NSUN7: variants seen among roughly 807,000 people sequenced by gnomAD.
NSUN7 encodes the protein NOP2/Sun RNA methyltransferase family member 7, also known as protein NSUN7.
A neutral mutation model predicts 58.5 loss-of-function variants in NSUN7; 39 were observed. The observed-to-expected ratio is 0.67, with a 90% confidence interval of 0.52 to 0.87. The LOEUF is 0.87. Among genes scored for constraint, NSUN7 ranks in the 40% least tolerant of loss-of-function variants. NSUN7 has a pLI of 0.00. For missense variants in NSUN7, 765 were observed against 844.1 expected, an observed-to-expected ratio of 0.91 and a Z score of 1.16; for synonymous variants, 278 against 303.7, an observed-to-expected ratio of 0.92 and a Z score of 0.88.
chr4:40,793,961 T>G (rs1394963559), intron 8 of NSUN7, among the ~76,000 whole-genome samples: 1 of 152,208 alleles, frequency 6.6e-6, no homozygotes, highest in African/African-American at 2.4e-5. Flanking sequence ...AAGTTAGTAT[T>G]TTAAACCATA....
Position 40,775,785 on chromosome 4 carries a change from A to G in NSUN7, c.826-264A>G, listed in dbSNP as rs562394579. On this transcript the variant is annotated intron_variant, in intron 6 of 11. Transcript: ENST00000381782. The surrounding 1 kb of genome is among the most constrained non-coding windows in gnomAD (Gnocchi z 4.3). ...ATAGGACATCATTAATCTGTTGACC[A>G]TATTTTAGAGATTCTGGCATTGCTT... Among the ~76,000 whole-genome samples, 19 of 152,358 alleles carry G rather than the reference A, an allele frequency of 1.2e-4. No homozygotes were observed. The highest frequency in any genetic ancestry group is 2.2e-4 in the Non-Finnish European group (15 of 68,026).
Position 40,808,324 on chromosome 4 carries a change from A to G in NSUN7, c.1542A>G (p.Thr514=). The change falls in exon 12 of 12, where the codon ACA becomes ACG. Residue 514 remains threonine (T), a synonymous_variant. Coordinates refer to ENST00000381782, the MANE Select transcript of NSUN7 (RefSeq NM_024677.6). ...AATTGCAGCGGGACCCTTCTGAGAC[A>G]GTGTCTGTGAATGATGTTTTGGCCC... is the stretch of plus-strand genomic sequence containing the variant. ...ILTRERDPSE[T]VSVNDVLARA... is the part of the protein sequence containing the mutation. The G allele has an allele frequency of 6.2e-7, 1 of 1,612,702 alleles. No individual in the cohort carries two copies. The highest frequency in any genetic ancestry group is 8.5e-7 in the Non-Finnish European group (1 of 1,179,078).
intron 3 of NSUN7, 97 bp from the exon 4 acceptor site, chr4:40,761,074 C>A: frequency 1.1e-6 from 1 of 947,944 alleles, no homozygotes; most frequent in Non-Finnish European, 1.6e-6. Flanking sequence ...CGTATTCCTG[C>A]TCTGTTATGA....
chr4:40,789,615 T>C (rs2437316), intron 7 of NSUN7, among the ~76,000 whole-genome samples: 123,185 of 151,476 alleles, frequency 0.81, 50,468 homozygotes, highest in African/African-American at 0.88. Flanking sequence ...CAAGATTGAC[T>C]GTGAATGGTT....
chr4:40,807,845 C>T (rs1743875175), intron 11 of NSUN7, among the ~76,000 whole-genome samples: 1 of 151,886 alleles, frequency 6.6e-6, no homozygotes. Flanking sequence ...AGTTCGAGAC[C>T]AGCCTGGCCA....
At chr4:40,787,473 A>AT (rs1228867336) in intron 7 of NSUN7, among the ~76,000 whole-genome samples, 1 of 152,162 alleles carries the variant, frequency 6.6e-6, no homozygotes, top group Non-Finnish European at 1.5e-5. Flanking sequence ...TCCTAGATAC[A>AT]TTTAAAGCAC....
chr4:40,757,200 G>A (rs1435415138), intron 2 of NSUN7, among the ~76,000 whole-genome samples: 1 of 152,202 alleles, frequency 6.6e-6, no homozygotes, highest in Non-Finnish European at 1.5e-5. Context: ...CTGCACTCCA[G>A]CCTGGGCGAC....
chr4:40,765,717 G>A (rs1298930129), intron 4 of NSUN7, among the ~76,000 whole-genome samples: 1 of 152,180 alleles, frequency 6.6e-6, no homozygotes, highest in East Asian at 1.9e-4. Context: ...CCATGAGCAT[G>A]GAATGTTCTT....
At chr4:40,784,431 T>C (rs898124916) in intron 7 of NSUN7, among the ~76,000 whole-genome samples, 3 of 152,070 alleles carry the variant, frequency 2.0e-5, no homozygotes, top group African/African-American at 7.2e-5. Flanking sequence ...AATGGAAGAG[T>C]ATTTGGCCAT....
At chr4:40,770,374 T>A (rs1007303728) in intron 4 of NSUN7, among the ~76,000 whole-genome samples, 2 of 152,200 alleles carry the variant, frequency 1.3e-5, no homozygotes, top group African/African-American at 4.8e-5. Flanking sequence ...CTATATGGTA[T>A]AACCTAGTGC....
intron 9 of NSUN7, among the ~76,000 whole-genome samples, chr4:40,796,872 T>G (rs1743344619): frequency 6.6e-6 from 1 of 152,198 alleles, no homozygotes; most frequent in South Asian, 2.1e-4. Context: ...CCTCCCCCTT[T>G]GTAAAAAATT....
chr4:40,753,352 C>A (rs953664375), intron 2 of NSUN7, among the ~76,000 whole-genome samples: 2 of 151,554 alleles, frequency 1.3e-5, no homozygotes, highest in African/African-American at 4.9e-5. Context: ...TCTAGGCTCA[C>A]TGCAACCTCT....
At chr4:40,772,244 A>G (rs890574784) in intron 4 of NSUN7, among the ~76,000 whole-genome samples, 6 of 152,208 alleles carry the variant, frequency 3.9e-5, no homozygotes, top group Non-Finnish European at 5.9e-5. Context: ...TAATGATTGA[A>G]TAATTCAGTA....
At position 40,761,215 on chromosome 4, in the gene NSUN7, C is replaced by T. The variant is rs1469377923; in HGVS notation, c.402C>T (p.Phe134=). Residue 134 remains phenylalanine (F), a synonymous_variant, in exon 4 of 12, where the codon TTC becomes TTT. Transcript: ENST00000381782. Reference sequence around the variant, plus strand: ...TTATTATTGTGATGCTATATGATTTCCAAGATAGAAAATTTCAAACTCGTG... The same window carrying T: ...TTATTATTGTGATGCTATATGATTTTCAAGATAGAAAATTTCAAACTCGTG... ...SSLIIVMLYD[F]QDRKFQTRVL... 3 of 1,583,028 alleles carry T rather than the reference C, an allele frequency of 1.9e-6. No individual in the cohort carries two copies.
chr4:40,774,550 C>T (rs1161545819), intron 5 of NSUN7, 133 bp downstream of exon 5: 1 of 889,046 alleles, frequency 1.1e-6, no homozygotes, highest in Non-Finnish European at 1.7e-6. Flanking sequence ...AGTTAAGTTC[C>T]AGAGCTTATG....
chr4:40,797,977 A>T (rs182410547), intron 9 of NSUN7, among the ~76,000 whole-genome samples: 17 of 152,180 alleles, frequency 1.1e-4, no homozygotes, highest in Admixed American at 1.0e-3. Context: ...TTTACCTTAG[A>T]ATGCTTTTCT....
chr4:40,774,784 A>G lies in NSUN7; in HGVS notation c.659A>G (p.Asn220Ser). The change falls in exon 6 of 12, where the codon AAT becomes AGT. Residue 220 changes from asparagine (N) to serine (S), a missense_variant. Transcript: ENST00000381782. ...TCKISPEEVY[N>S]NLKRRGYNKV... The stretch of plus-strand genomic sequence containing the variant: ...ATTTACAGCCCTGAAGAAGTTTATA[A>G]TAATTTGAAGAGAAGAGGCTATAAT... The G allele has an allele frequency of 6.5e-7, 1 of 1,530,520 alleles. No individual in the cohort carries two copies. The highest frequency in any genetic ancestry group is 8.9e-7 in the Non-Finnish European group (1 of 1,122,564). 94.8% of individuals were successfully genotyped at this position (1,530,520 alleles called of 1,614,324 possible). A position where few individuals can be genotyped will look rare whatever the true frequency, so the allele number is the denominator to read the frequency against.
intron 4 of NSUN7, among the ~76,000 whole-genome samples, chr4:40,764,703 T>A (rs1197950607): frequency 5.3e-5 from 8 of 152,060 alleles, no homozygotes; most frequent in African/African-American, 1.2e-4. Context: ...CCAACAGTGT[T>A]AAAGTGTTCC....
chr4:40,768,115 G>C (rs1288501486), intron 4 of NSUN7, among the ~76,000 whole-genome samples: 2 of 152,066 alleles, frequency 1.3e-5, no homozygotes, highest in Non-Finnish European at 2.9e-5. Context: ...GCTTGAGACT[G>C]TAGTTCCCAA....
Sources: gnomAD v4.1 joint callset for allele counts (sites outside exome capture counted in the v4.1 genomes callset) on GRCh38, gnomAD v4.1.1 for gene constraint, Gnocchi (gnomAD v3.1) non-coding constraint, MANE v1.5 for transcripts, NCBI Gene and HGNC (gene_info 2026-07-23, HGNC 2026-07-21) for gene names.